Variants in PIGO observed in about 807,000 individuals in gnomAD.
PIGO encodes phosphatidylinositol glycan anchor biosynthesis class O, also known as GPI ethanolamine phosphate transferase 3, catalytic subunit.
Under a neutral mutation model 86.9 loss-of-function variants are expected in PIGO, and 66 were observed. The observed-to-expected ratio is 0.76, with a 90% CI of 0.62 to 0.93. PIGO has a LOEUF of 0.93. Ranked by LOEUF, PIGO falls within the 40% of genes least tolerant of loss-of-function variation. The pLI, the probability that PIGO is intolerant of heterozygous loss-of-function variation, is 0.00. For synonymous variants in PIGO, 570 were observed against 556.4 expected (o/e 1.02, Z -0.34); for missense variants, 1,202 against 1,359.1 (o/e 0.88, Z 1.82).
chr9:35,095,174 G>A lies in PIGO; in HGVS notation c.392C>T (p.Thr131Ile). 6.2e-7 allele frequency: 1 copy of A among 1,614,242 alleles called. No homozygotes were observed. The highest frequency in any genetic ancestry group is 8.5e-7 in the Non-Finnish European group (1 of 1,180,046). ...YRSQVDPPTT[T>I]MQRLKALTTG... ...GGTGAGGGCCTTGAGGCGCTGCATG[G>A]TGGTGGTAGGAGGGTCAACCTGAGA... is the stretch of plus-strand genomic sequence containing the variant. Residue 131 changes from threonine to isoleucine, a missense_variant, in exon 2 of 11, where the codon ACC (threonine) becomes ATC (isoleucine). Transcript: ENST00000378617.
At chr9:35,093,299 A>G in intron 5 of PIGO, 90 bp from the exon 6 acceptor site, 1 of 1,568,856 alleles carries the variant, frequency 6.4e-7, no homozygotes, top group Non-Finnish European at 8.7e-7. Flanking sequence ...GTAAGAAATG[A>G]GAGTGGAGGA....
In PIGO at chr9:35,093,436, G is replaced by A. The variant is rs1487907356; in HGVS notation, c.924C>T (p.Pro308=). 1 of 1,614,144 alleles carries A rather than the reference G, an allele frequency of 6.2e-7. No individual in the cohort carries two copies. Among genetic ancestry groups the A allele is most frequent in the South Asian group, 1.1e-5 (1 of 91,070 alleles). Residue 308 remains proline (P), a synonymous_variant, in exon 5 of 11, where the codon CCC becomes CCT. Coordinates refer to ENST00000378617, the MANE Select transcript of PIGO (RefSeq NM_032634.4). ...CAGGCCTCACCTCTGGTGGGGTGCT[G>A]GGGAAGACTGCTGTGGGGCTATACA... ...LFLYSPTAVF[P]STPPEEPEVI... is the part of the protein sequence containing the mutation.
intron 3 of PIGO, 76 bp downstream of exon 3, chr9:35,094,140 G>A: frequency 6.4e-7 from 1 of 1,555,160 alleles, no homozygotes; most frequent in Non-Finnish European, 8.7e-7. Flanking sequence ...ACCCATAGGT[G>A]GCTCAGAATT....
Position 35,088,986 on chromosome 9 carries a change from A to ACT in PIGO, c.*105_*106insAG. On this transcript the variant is annotated 3_prime_UTR_variant, in exon 11 of 11. Coordinates refer to ENST00000378617, the MANE Select transcript of PIGO (RefSeq NM_032634.4). ...AGCGGCCCCTGGCTGCATGATAGTA[A>ACT]GAGTATGGCTGAGCCTGTCTTGCAG... 1.4e-6 allele frequency: 2 copies of ACT among 1,473,362 alleles called. No homozygotes were observed. The highest frequency in any genetic ancestry group is 1.8e-6 in the Non-Finnish European group (2 of 1,086,090). The allele number at this position is 1,473,362 out of a possible 1,614,324, so 91.3% of individuals were successfully genotyped here.
intron 2 of PIGO, among the ~76,000 whole-genome samples, chr9:35,094,822 TCTC>T (rs1217988124): frequency 6.6e-6 from 1 of 152,062 alleles, no homozygotes; most frequent in East Asian, 1.9e-4. Context: ...CCAGATCCCT[TCTC>T]CTCTGTCTCC....
At chr9:35,095,811 C>T (rs1048094622) in intron 1 of PIGO, 6 of 401,590 alleles carry the variant, frequency 1.5e-5, no homozygotes, top group African/African-American at 1.0e-4. Context: ...GTGAGGAGTT[C>T]GAGACCAGCC....
Position 35,091,323 on chromosome 9 carries a change from A to G in PIGO, c.2564T>C (p.Ile855Thr). Residue 855 changes from isoleucine (I) to threonine (T), a missense_variant, in exon 7 of 11, where the codon ATC becomes ACC. Ile to Thr is a moderately conservative substitution (Grantham distance 89, BLOSUM62 -1). Transcript: ENST00000378617. ...AAACAGAAGCAGGAACACAAGGCTG[A>G]TGCGCTCCGCATGCAACAGCAGAAG... ...FPLLLLHAER[I>T]SLVFLLLFLQ... The G allele has an allele frequency of 6.2e-7, 1 of 1,614,190 alleles. No homozygotes were observed.
rs1470138559 is a variant in PIGO at position 35,092,529 on chromosome 9, C to A, written c.1358G>T (p.Gly453Val). The A allele has an allele frequency of 1.9e-6, 3 of 1,614,068 alleles. No individual in the cohort carries two copies. Among genetic ancestry groups the A allele is most frequent in the Non-Finnish European group, 2.5e-6 (3 of 1,180,010 alleles). Residue 453 changes from glycine to valine, a missense_variant, in exon 7 of 11, where the codon GGG (glycine) becomes GTG (valine). Coordinates refer to ENST00000378617, the MANE Select transcript of PIGO (RefSeq NM_032634.4). ...GGAAGCAGCCAAGAGAGCAGTACCC[C>A]CCGCCATGCGGACCAGAGAGAAACG... ...WARFSLVRMA[G>V]GTALLAASCF...
rs150780733 is a variant in PIGO, at chr9:35,090,557, G to A, written c.2763C>T (p.Phe921=). Residue 921 remains phenylalanine (F), a synonymous_variant, in exon 8 of 11, where the codon TTC becomes TTT. Coordinates refer to ENST00000378617, the MANE Select transcript of PIGO (RefSeq NM_032634.4). ...VFPAIHWHAA[F]VGFPEGHGSC... ...AGCCATGACCCTCTGGGAATCCCAC[G>A]AAGGCTGCATGCCAATGGATGGCTG... is the stretch of plus-strand genomic sequence containing the variant. 5.6e-6 allele frequency: 9 copies of A among 1,614,120 alleles called. No individual in the cohort carries two copies. The highest frequency in any genetic ancestry group is 5.3e-5 in the African/African-American group (4 of 74,946).
chr9:35,089,008 G>A lies in PIGO; in HGVS notation c.*84C>T, dbSNP rs534476409. 2 of 1,564,654 alleles carry A rather than the reference G, an allele frequency of 1.3e-6. No individual in the cohort carries two copies. On this transcript the variant is annotated 3_prime_UTR_variant, in exon 11 of 11. Transcript: ENST00000378617. The stretch of plus-strand genomic sequence containing the variant: ...GTAAGAGTATGGCTGAGCCTGTCTT[G>A]CAGATCATCCAGTACCTGTACAGGC...
In PIGO at chr9:35,089,410, T is replaced by C; in HGVS notation, c.3110A>G (p.His1037Arg). The part of the protein sequence containing the change: ...CALAASILRR[H>R]LMVWKVFAPK... Reference sequence around the variant, plus strand: ...GGCAAACACTTTCCAGACCATGAGATGCCTGCGAAGGATGGAGGCTGCCAA... The same window carrying C: ...GGCAAACACTTTCCAGACCATGAGACGCCTGCGAAGGATGGAGGCTGCCAA... The change falls in exon 10 of 11, where the codon CAT (histidine) becomes CGT (arginine). Residue 1037 changes from histidine to arginine, a missense_variant. Coordinates refer to ENST00000378617, the MANE Select transcript of PIGO (RefSeq NM_032634.4). 2 of 1,614,182 alleles carry C rather than the reference T, an allele frequency of 1.2e-6. No homozygotes were observed. The highest frequency in any genetic ancestry group is 2.2e-5 in the South Asian group (2 of 91,086).
At chr9:35,094,155 G>A (rs888999832) in intron 3 of PIGO, 61 bp downstream of exon 3, 3 of 1,558,784 alleles carry the variant, frequency 1.9e-6, no homozygotes, top group East Asian at 2.3e-5. Context: ...AGAATTTGTG[G>A]ACTAAAGCAG....
rs886223150 is a variant in PIGO, at chr9:35,091,783, G to C, written c.2104C>G (p.Leu702Val). 5.6e-6 allele frequency: 9 copies of C among 1,612,768 alleles called. No homozygotes were observed. Among genetic ancestry groups the C allele is most frequent in the Non-Finnish European group, 7.6e-6 (9 of 1,180,042 alleles). Residue 702 changes from leucine (L) to valine (V), a missense_variant, in exon 7 of 11, where the codon CTC becomes GTC. Physicochemically the swap from Leu to Val is conservative, Grantham distance 32 (BLOSUM62 1). Transcript: ENST00000378617. ...GNLKSPEPPMLFVRWGLPLMA... is the reference protein window; with the variant it reads ...GNLKSPEPPMVFVRWGLPLMA... Reference sequence around the variant, plus strand: ...AGGGGCAGTCCCCAGCGCACAAAGAGCATGGGTGGCTCGGGGCTCTTGAGA... The same window carrying C: ...AGGGGCAGTCCCCAGCGCACAAAGACCATGGGTGGCTCGGGGCTCTTGAGA...
rs1829627212 is a variant in PIGO, at chr9:35,095,420, G to A, written c.146C>T (p.Ser49Phe). The A allele has an allele frequency of 6.2e-7, 1 of 1,613,994 alleles. No homozygotes were observed. The highest frequency in any genetic ancestry group is 1.7e-5 in the Admixed American group (1 of 60,006). ...SSCQEPPGPGSLPWGSQGKPG... is the reference protein window; with the variant it reads ...SSCQEPPGPGFLPWGSQGKPG... ...TTTCCCTTGGCTCCCCCATGGCAGGGACCCAGGGCCTGGGGGCTCTTGGCA... is the reference window on the plus strand; with the variant it reads ...TTTCCCTTGGCTCCCCCATGGCAGGAACCCAGGGCCTGGGGGCTCTTGGCA... Residue 49 changes from serine to phenylalanine, a missense_variant, in exon 2 of 11, where the codon TCC becomes TTC. Physicochemically the swap from Ser to Phe is radical, Grantham distance 155. Transcript: ENST00000378617.
Position 35,092,430 on chromosome 9 carries a change from G to A in PIGO, c.1457C>T (p.Pro486Leu). Residue 486 changes from proline (P) to leucine (L), a missense_variant, in exon 7 of 11, where the codon CCT becomes CTT. Transcript: ENST00000378617. The part of the protein sequence containing the change: ...GFPFCPLLLT[P>L]VAWGLVGAIA... ...GGCCCCAACCAGGCCCCAGGCCACA[G>A]GTGTCAGGAGTAGAGGGCAGAATGG... is the stretch of plus-strand genomic sequence containing the variant. 1 of 1,614,286 alleles carries A rather than the reference G, an allele frequency of 6.2e-7. No homozygotes were observed. Among genetic ancestry groups the A allele is most frequent in the African/African-American group, 1.3e-5 (1 of 75,086 alleles).
In PIGO at chr9:35,091,927, G is replaced by T. The variant is rs766400679; in HGVS notation, c.1960C>A (p.Leu654Met). Residue 654 changes from leucine to methionine, a missense_variant, in exon 7 of 11, where the codon CTG becomes ATG. By Grantham distance (15) the Leu-to-Met change is conservative. Transcript: ENST00000378617. The stretch of plus-strand genomic sequence containing the variant: ...CCCACCATGGATGCCAGAGGACTCA[G>T]CCAGGGAGAGGAGTGGCAAACAGGT... ...ETPVCHSSPW[L>M]SPLASMVGGR... 9.3e-6 allele frequency: 15 copies of T among 1,614,122 alleles called. No homozygotes were observed. The highest frequency in any genetic ancestry group is 1.3e-5 in the African/African-American group (1 of 74,950).
intron 2 of PIGO, 73 bp downstream of exon 2, chr9:35,094,982 T>C (rs761609120): frequency 4.6e-6 from 7 of 1,522,508 alleles, no homozygotes; most frequent in Non-Finnish European, 4.4e-6. Flanking sequence ...CACCCAAAGG[T>C]CTGACTCCCT....
Position 35,091,962 on chromosome 9 carries a change from G to C in PIGO, c.1925C>G (p.Pro642Arg). Residue 642 changes from proline (P) to arginine (R), a missense_variant, in exon 7 of 11, where the codon CCT (proline) becomes CGT (arginine). By Grantham distance (103) the Pro-to-Arg change is moderately radical. Transcript: ENST00000378617. ...GGAGTGGCAAACAGGTGTCTCTTCA[G>C]GGCAACGATGAAAAAGCCCAGCTAG... ...TRLAGLFHRC[P>R]EETPVCHSSP... 3 of 1,614,208 alleles carry C rather than the reference G, an allele frequency of 1.9e-6. No homozygotes were observed. The highest frequency in any genetic ancestry group is 2.5e-6 in the Non-Finnish European group (3 of 1,180,052).
At position 35,088,871 on chromosome 9, in the gene PIGO, C is replaced by T. The variant is rs1056995769; in HGVS notation, c.*221G>A. On this transcript the variant is annotated 3_prime_UTR_variant, in exon 11 of 11. Coordinates refer to ENST00000378617, the MANE Select transcript of PIGO (RefSeq NM_032634.4). Reference sequence around the variant, plus strand: ...ATTTTATTCCACTTCGGAGACCGCCCCCCTTGTCCCTCAGATGCATCCAAA... The same window carrying T: ...ATTTTATTCCACTTCGGAGACCGCCTCCCTTGTCCCTCAGATGCATCCAAA... 2.2e-4 allele frequency: 129 copies of T among 573,816 alleles called. 1 individual carries two copies. The African/African-American group carries it at 2.3e-3, about 10-fold the overall frequency. 35.5% of individuals were successfully genotyped at this position (573,816 alleles called of 1,614,324 possible).
Sources: gnomAD v4.1 joint callset for allele counts (sites outside exome capture counted in the v4.1 genomes callset) on GRCh38, gnomAD v4.1.1 for gene constraint, MANE v1.5 for transcripts, NCBI Gene and HGNC (gene_info 2026-07-23, HGNC 2026-07-21) for gene names.